Variants in GULP1 observed in about 807,000 individuals in gnomAD.
GULP1 encodes GULP PTB domain containing engulfment adaptor 1, also known as PTB domain-containing engulfment adapter protein 1.
Under a neutral mutation model 40.9 loss-of-function variants are expected in GULP1, and 19 were observed. The ratio of observed to expected loss-of-function variants is 0.46; its 90% CI spans 0.32 to 0.68. The LOEUF is 0.68. Ranked by LOEUF, GULP1 falls within the 30% of genes least tolerant of loss-of-function variation. The probability of loss-of-function intolerance (pLI) is 0.03; values close to 1 mark genes in which losing one functional copy is unlikely to be tolerated. For synonymous variants in GULP1, 119 were observed against 117.6 expected, an observed-to-expected ratio of 1.01 and a Z score of -0.08; for missense variants, 312 against 362.2, an observed-to-expected ratio of 0.86 and a Z score of 1.12.
At chr2:188,439,405 C>T (rs138318727) in intron 2 of GULP1, among the ~76,000 whole-genome samples, 86 of 152,044 alleles carry the variant, frequency 5.7e-4, no homozygotes, top group African/African-American at 2.0e-3. Flanking sequence ...CAGACAAAGA[C>T]GTATATATGT....
chr2:188,581,628 G>T (rs914110234), intron 9 of GULP1, among the ~76,000 whole-genome samples: 1 of 152,192 alleles, frequency 6.6e-6, no homozygotes, highest in African/African-American at 2.4e-5. Flanking sequence ...CTGCTTGCTT[G>T]TTATTCATTA....
intron 7 of GULP1, among the ~76,000 whole-genome samples, chr2:188,564,326 TATA>T (rs752500325): frequency 6.6e-6 from 1 of 151,916 alleles, no homozygotes; most frequent in South Asian, 2.1e-4. Flanking sequence ...TTTTCACATA[TATA>T]ATATCAACTT....
chr2:188,483,375 C>T (rs1260053263), intron 3 of GULP1, 56 bp from the exon 4 acceptor site: 16 of 787,386 alleles, frequency 2.0e-5, no homozygotes, highest in South Asian at 8.5e-5. Flanking sequence ...AATGGTAATG[C>T]GTGAATATGA....
intron 5 of GULP1, among the ~76,000 whole-genome samples, chr2:188,526,602 A>G (rs1575793334): frequency 6.6e-6 from 1 of 152,150 alleles, no homozygotes; most frequent in South Asian, 2.1e-4. Flanking sequence ...TTTTAGGAAA[A>G]AAAAGAAAGG....
intron 2 of GULP1, among the ~76,000 whole-genome samples, chr2:188,442,719 C>T (rs981456937): frequency 3.9e-5 from 6 of 152,246 alleles, no homozygotes; most frequent in African/African-American, 1.4e-4. Flanking sequence ...TGGAATGGTG[C>T]TTGGCTTATA....
At chr2:188,308,841 G>A (rs1035646163) in intron 1 of GULP1, among the ~76,000 whole-genome samples, 3 of 152,050 alleles carry the variant, frequency 2.0e-5, no homozygotes, top group African/African-American at 7.2e-5. Context: ...ATAATGGCCC[G>A]AACCTTGTAT....
chr2:188,446,659 C>T (rs1297997720), intron 2 of GULP1, among the ~76,000 whole-genome samples: 2 of 152,154 alleles, frequency 1.3e-5, no homozygotes, highest in African/African-American at 4.8e-5. Flanking sequence ...GTGCTTGTTA[C>T]ATACACTAGG....
intron 4 of GULP1, 117 bp downstream of exon 4, chr2:188,483,609 G>T: frequency 2.3e-6 from 1 of 427,674 alleles, no homozygotes; most frequent in Non-Finnish European, 4.2e-6. Flanking sequence ...CCTGAAAAAA[G>T]TTTACATAAA....
chr2:188,445,589 T>C (rs938225028), intron 2 of GULP1, among the ~76,000 whole-genome samples: 1 of 152,186 alleles, frequency 6.6e-6, no homozygotes, highest in East Asian at 1.9e-4. Context: ...CCCCACAGAC[T>C]CTTCTCCAGG....
intron 5 of GULP1, among the ~76,000 whole-genome samples, chr2:188,524,604 A>G (rs189945697): frequency 1.4e-5 from 2 of 139,728 alleles, no homozygotes; most frequent in African/African-American, 2.6e-5. Context: ...ATATATATAT[A>G]TTTTTTTTTT....
intron 6 of GULP1, among the ~76,000 whole-genome samples, chr2:188,534,584 A>G (rs568574680): frequency 6.6e-6 from 1 of 152,240 alleles, no homozygotes; most frequent in South Asian, 2.1e-4. Flanking sequence ...AAACCTCAGC[A>G]TCATGCAGTA....
At chr2:188,487,114 T>C (rs2061930197) in intron 4 of GULP1, among the ~76,000 whole-genome samples, 1 of 152,054 alleles carries the variant, frequency 6.6e-6, no homozygotes, top group Admixed American at 6.6e-5. Flanking sequence ...ATGAGAATGC[T>C]AAACTCTCTT....
intron 2 of GULP1, among the ~76,000 whole-genome samples, chr2:188,398,740 A>G (rs1178114432): frequency 1.3e-5 from 2 of 152,180 alleles, no homozygotes; most frequent in Non-Finnish European, 2.9e-5. Context: ...ACTTTCTTAG[A>G]GGTCACATTC....
chr2:188,438,771 A>T (rs1375888023), intron 2 of GULP1, among the ~76,000 whole-genome samples: 2 of 151,982 alleles, frequency 1.3e-5, no homozygotes, highest in East Asian at 3.9e-4. Flanking sequence ...ATGTTTTCAG[A>T]CTGAAATAAA....
intron 1 of GULP1, among the ~76,000 whole-genome samples, chr2:188,328,849 G>A (rs187059934): frequency 1.2e-4 from 18 of 152,140 alleles, no homozygotes; most frequent in Admixed American, 9.2e-4. Flanking sequence ...GAGTATACAC[G>A]ATGAATACTT....
Position 188,522,820 on chromosome 2 carries a change from AACT to A in GULP1, c.157_159del (p.Leu53del), listed in dbSNP as rs748171549. ...GAAGTTGTGAGAGATGCTGTAAGGAAACTAAAGGTAGGGAAAGGCCTTCAAATA... is the reference window on the plus strand; with the variant it reads ...GAAGTTGTGAGAGATGCTGTAAGGAAAAAGGTAGGGAAAGGCCTTCAAATA... On this transcript the variant is annotated inframe_deletion, in exon 5 of 12. Coordinates refer to ENST00000409830, the MANE Select transcript of GULP1 (RefSeq NM_016315.4). 6.2e-7 allele frequency: 1 copy of A among 1,601,152 alleles called. No individual in the cohort carries two copies. The highest frequency in any genetic ancestry group is 8.6e-7 in the Non-Finnish European group (1 of 1,168,534).
chr2:188,392,611 A>G (rs933981021), intron 2 of GULP1, among the ~76,000 whole-genome samples: 9 of 151,636 alleles, frequency 5.9e-5, no homozygotes, highest in African/African-American at 2.2e-4. Flanking sequence ...TCTGATCCTC[A>G]TTATTCCTTA....
intron 1 of GULP1, among the ~76,000 whole-genome samples, chr2:188,358,016 T>C (rs1318471253): frequency 6.6e-6 from 1 of 151,668 alleles, no homozygotes; most frequent in African/African-American, 2.4e-5. Flanking sequence ...CTGTCTCTAC[T>C]AAAAAAAATA....
chr2:188,383,277 T>G (rs765121962), intron 1 of GULP1, among the ~76,000 whole-genome samples: 19 of 152,214 alleles, frequency 1.2e-4, no homozygotes, highest in Non-Finnish European at 7.3e-5. Context: ...TATAGCATGA[T>G]TATGAATAGA....
Sources: gnomAD v4.1 joint callset for allele counts (sites outside exome capture counted in the v4.1 genomes callset) on GRCh38, gnomAD v4.1.1 for gene constraint, MANE v1.5 for transcripts, NCBI Gene and HGNC (gene_info 2026-07-23, HGNC 2026-07-21) for gene names.